The following NHSL1 variants were observed in gnomAD, a reference collection of about 807,000 sequenced individuals.
NHSL1 encodes NHS-like protein 1.
Under a neutral mutation model 95.0 loss-of-function variants are expected in NHSL1, and 48 were observed. The ratio of observed to expected loss-of-function variants is 0.51; its 90% CI spans 0.40 to 0.64. NHSL1 has a LOEUF of 0.64. NHSL1 is among the 30% of genes least tolerant of loss of function. NHSL1 has a pLI of 0.00. For missense variants in NHSL1, 1,971 were observed against 2,077.7 expected, an observed-to-expected ratio of 0.95 and a Z score of 1.00; for synonymous variants, 783 against 833.9, an observed-to-expected ratio of 0.94 and a Z score of 1.05.
At position 138,433,125 on chromosome 6, in the gene NHSL1, G is replaced by A. The variant is rs1298267147; in HGVS notation, c.1220C>T (p.Thr407Ile). The A allele has an allele frequency of 2.6e-6, 4 of 1,550,766 alleles. No homozygotes were observed. Among genetic ancestry groups the A allele is most frequent in the African/African-American group, 2.7e-5 (2 of 73,020 alleles). Residue 407 changes from threonine to isoleucine, a missense_variant, in exon 6 of 8, where the codon ACC becomes ATC. Coordinates refer to ENST00000343505, the MANE Select transcript of NHSL1 (RefSeq NM_001144060.2). ...ATTTGGGATGATGCTGGTGGAGTAG[G>A]TTGCATGAGGAGAAACCACACACGC... The part of the protein sequence containing the change: ...SPACVVSPHA[T>I]YSTSIIPNAT...
chr6:138,547,970 C>G (rs1782867054), upstream of NHSL1, among the ~76,000 whole-genome samples: 1 of 152,146 alleles, frequency 6.6e-6, no homozygotes, highest in East Asian at 1.9e-4. Context: ...GAAAGGAACT[C>G]CTACCTTAGA....
rs76704286 is a variant in NHSL1, at chr6:138,436,497, G to A, written c.665-2817C>T. On this transcript the variant is annotated intron_variant, in intron 5 of 7. Coordinates refer to ENST00000343505, the MANE Select transcript of NHSL1 (RefSeq NM_001144060.2). ...GAAGAAGAGCTGGAAGCTAGCAGAG[G>A]TTGTTTCATGAGGTTGAAGGAAAGG... Among the ~76,000 whole-genome samples, 104 of 152,338 alleles carry A rather than the reference G, an allele frequency of 6.8e-4. 3 individuals carry two copies. The highest frequency in any genetic ancestry group is 3.3e-3 in the Admixed American group (50 of 15,300).
chr6:138,569,151 C>A (rs1583422523), intron 1 of NHSL1, among the ~76,000 whole-genome samples: 1 of 152,230 alleles, frequency 6.6e-6, no homozygotes, highest in African/African-American at 2.4e-5. Flanking sequence ...CCCCGCCAAC[C>A]AGAGATCCCA....
chr6:138,475,098 G>A (rs926693591), intron 2 of NHSL1, among the ~76,000 whole-genome samples: 8 of 149,462 alleles, frequency 5.4e-5, no homozygotes, highest in East Asian at 2.0e-4. Context: ...GCGGTGAGCC[G>A]AGATCGCACC....
At chr6:138,546,248 G>A (rs1250441184), upstream of NHSL1, among the ~76,000 whole-genome samples, 1 of 151,816 alleles carries the variant, frequency 6.6e-6, no homozygotes, top group African/African-American at 2.4e-5. Context: ...TTCAGTCCCA[G>A]ACAAATCATA....
intron 1 of NHSL1, among the ~76,000 whole-genome samples, chr6:138,608,180 CT>C (rs1283197969): frequency 6.6e-6 from 1 of 152,192 alleles, no homozygotes; most frequent in Non-Finnish European, 1.5e-5. Flanking sequence ...TAAATGAAGG[CT>C]TTAGTCTGTT....
intron 1 of NHSL1, among the ~76,000 whole-genome samples, chr6:138,651,490 A>C (rs1562402855): frequency 6.6e-6 from 1 of 152,256 alleles, no homozygotes; most frequent in African/African-American, 2.4e-5. Context: ...AGAAACAACG[A>C]AACTTCAATG....
chr6:138,502,666 T>C (rs1235481761), upstream of NHSL1, among the ~76,000 whole-genome samples: 1 of 152,134 alleles, frequency 6.6e-6, no homozygotes, highest in African/African-American at 2.4e-5. Flanking sequence ...TTGACACTAA[T>C]GCATAATAGC....
chr6:138,635,871 TG>T (rs981236287), intron 1 of NHSL1, among the ~76,000 whole-genome samples: 1 of 151,056 alleles, frequency 6.6e-6, no homozygotes, highest in African/African-American at 2.4e-5. Flanking sequence ...CCCAGCACTT[TG>T]GGAGGCTGAG....
At chr6:138,577,852 A>T (rs940173114) in intron 1 of NHSL1, among the ~76,000 whole-genome samples, 2 of 152,174 alleles carry the variant, frequency 1.3e-5, no homozygotes, top group Non-Finnish European at 2.9e-5. Flanking sequence ...TATAATTAAA[A>T]AAACAAAACA....
intron 1 of NHSL1, among the ~76,000 whole-genome samples, chr6:138,589,548 C>G (rs1211869721): frequency 6.6e-6 from 1 of 152,132 alleles, no homozygotes; most frequent in Non-Finnish European, 1.5e-5. Flanking sequence ...CCCCTCGCTG[C>G]TCAGCACACA....
At chr6:138,526,677 G>A (rs1424024125) in intron 1 of NHSL1, among the ~76,000 whole-genome samples, 1 of 151,896 alleles carries the variant, frequency 6.6e-6, no homozygotes, top group East Asian at 1.9e-4. Flanking sequence ...ACTTTACCTC[G>A]AGTTGCGTGC....
chr6:138,489,865 A>AGAGAGGGAGAGAGG (rs1562321564), intron 2 of NHSL1, among the ~76,000 whole-genome samples: 8 of 71,676 alleles, frequency 1.1e-4, no homozygotes, highest in African/African-American at 7.9e-4. Context: ...AGAGAGAGAG[A>AGAGAGGGAGAGAGG]GAGAGAGGGA....
chr6:138,607,630 T>TGGAACAAAAGCA (rs1315515545), intron 1 of NHSL1, among the ~76,000 whole-genome samples: 1 of 152,198 alleles, frequency 6.6e-6, no homozygotes, highest in African/African-American at 2.4e-5. Context: ...TTGTGGTACA[T>TGGAACAAAAGCA]GGAACAAAAG....
intron 1 of NHSL1, among the ~76,000 whole-genome samples, chr6:138,638,567 T>C (rs1459168447): frequency 1.3e-5 from 2 of 152,170 alleles, no homozygotes; most frequent in African/African-American, 4.8e-5. Context: ...GTCAAGGAGG[T>C]AGGAAAGTTA....
intron 1 of NHSL1, among the ~76,000 whole-genome samples, chr6:138,579,912 G>A (rs1784027322): frequency 6.6e-6 from 1 of 152,152 alleles, no homozygotes; most frequent in African/African-American, 2.4e-5. Flanking sequence ...TATCAATTCA[G>A]CCTACTTTTA....
chr6:138,489,054 C>T lies in NHSL1; in HGVS notation c.211+7165G>A, dbSNP rs117756935. ...GAACCTGAGTATTAAGCGTCTGTCA[C>T]TGTCATCAGAAGGTGTTCCTTGTTC... On this transcript the variant is annotated intron_variant, in intron 2 of 7. Coordinates refer to ENST00000343505, the MANE Select transcript of NHSL1 (RefSeq NM_001144060.2). Among the ~76,000 whole-genome samples, 255 of 152,302 alleles carry T rather than the reference C, an allele frequency of 1.7e-3. 4 individuals carry two copies. In the East Asian group the frequency reaches 0.04, roughly 24 times the overall value.
chr6:138,659,210 C>T (rs775970723), intron 1 of NHSL1, among the ~76,000 whole-genome samples: 4 of 151,782 alleles, frequency 2.6e-5, no homozygotes, highest in African/African-American at 4.8e-5. Flanking sequence ...CCACCACATC[C>T]GGCTAATTTT....
chr6:138,427,771 C>T (rs1302835821), intron 7 of NHSL1, among the ~76,000 whole-genome samples: 1 of 152,168 alleles, frequency 6.6e-6, no homozygotes, highest in Non-Finnish European at 1.5e-5. Flanking sequence ...CTTAGATATT[C>T]TTTATTTTAA....
Sources: allele counts gnomAD v4.1 joint callset (sites outside exome capture counted in the v4.1 genomes callset), GRCh38; gene constraint gnomAD v4.1.1; transcripts MANE v1.5; gene names NCBI Gene and HGNC (gene_info 2026-07-23, HGNC 2026-07-21).